Variants in UGT2B28 observed in about 807,000 individuals in gnomAD.
UGT2B28 encodes the protein UDP-glucuronosyltransferase 2B28.
In UGT2B28, 45 loss-of-function variants were observed where a neutral mutation model predicts 43.6. The ratio of observed to expected loss-of-function variants is 1.03; its 90% CI spans 0.81 to 1.32. UGT2B28 has a LOEUF of 1.32. Among genes scored for constraint, UGT2B28 ranks in the 40% most tolerant of loss-of-function variants. UGT2B28 has a pLI of 0.00. For synonymous variants in UGT2B28, 204 were observed against 208.1 expected, an observed-to-expected ratio of 0.98 and a Z score of 0.17; for missense variants, 649 against 625.5, an observed-to-expected ratio of 1.04 and a Z score of -0.40.
intron 3 of UGT2B28, among the ~76,000 whole-genome samples, chr4:69,287,388 T>C (rs1723810372): frequency 7.1e-6 from 1 of 140,984 alleles, no homozygotes; most frequent in Admixed American, 7.1e-5. Flanking sequence ...CAGTATCTAA[T>C]GAGTGAAGAA....
At position 69,283,758 on chromosome 4, in the gene UGT2B28, A is replaced by G. The variant is rs527683309; in HGVS notation, c.870+1096A>G. ...ACATGTGCAAGTCACTTGAGATATC[A>G]TTCCTCATTTAAGAGAACCAGATTA... On this transcript the variant is annotated intron_variant, in intron 2 of 5. Coordinates refer to ENST00000335568, the MANE Select transcript of UGT2B28 (RefSeq NM_053039.2). Among the ~76,000 whole-genome samples, 198 of 140,922 alleles carry G rather than the reference A, an allele frequency of 1.4e-3. 24 individuals carry two copies. The highest frequency in any genetic ancestry group is 4.3e-3 in the Admixed American group (61 of 14,082). 92.5% of individuals were successfully genotyped at this position (140,922 alleles called of 152,430 possible). A position where few individuals can be genotyped will look rare whatever the true frequency, so the allele number is the denominator to read the frequency against.
At chr4:69,282,446 C>T (rs1162581624) in intron 1 of UGT2B28, 68 bp from the exon 2 acceptor site, 1 of 1,466,196 alleles carries the variant, frequency 6.8e-7, no homozygotes, top group Non-Finnish European at 9.0e-7. Flanking sequence ...AATTCTAACC[C>T]CTTTCAGAAA....
Position 69,282,512 on chromosome 4 carries a change from A to G in UGT2B28, c.722-2A>G. 6.5e-7 allele frequency: 1 copy of G among 1,540,236 alleles called. No homozygotes were observed. Among genetic ancestry groups the G allele is most frequent in the Non-Finnish European group, 8.7e-7 (1 of 1,149,928 alleles). ...ACTTTTTCTTTTCTTTATTCCTGTC[A>G]GGAAGACCCACTACCTTATTTGAGA... On this transcript the variant is annotated splice_acceptor_variant, in intron 1 of 5. Coordinates refer to ENST00000335568, the MANE Select transcript of UGT2B28 (RefSeq NM_053039.2). LOFTEE classifies it high-confidence loss of function.
intron 5 of UGT2B28, among the ~76,000 whole-genome samples, 199 bp downstream of exon 5, chr4:69,291,010 T>G (rs1410600108): frequency 1.4e-5 from 2 of 140,198 alleles, no homozygotes; most frequent in Non-Finnish European, 3.0e-5. Flanking sequence ...AGTAACCAGT[T>G]AGTGAAGCAA....
At chr4:69,286,078 G>T (rs376233291) in intron 2 of UGT2B28, among the ~76,000 whole-genome samples, 4 of 141,464 alleles carry the variant, frequency 2.8e-5, no homozygotes, top group South Asian at 2.4e-4. Context: ...TCAAGACTGA[G>T]TCATAAAAAT....
Position 69,292,806 on chromosome 4 carries a change from T to C in UGT2B28, c.1311-1724T>C, listed in dbSNP as rs1261478182. ...TCATGAAGACTATATGATCCAGCCA[T>C]AGTGGAAATAACGGAGGTTAAAAAT... On this transcript the variant is annotated intron_variant, in intron 5 of 5. Coordinates refer to ENST00000335568, the MANE Select transcript of UGT2B28 (RefSeq NM_053039.2). 5.0e-5 allele frequency among the ~76,000 whole-genome samples: 7 copies of C among 140,058 alleles called. 1 individual carries two copies. Among genetic ancestry groups the C allele is most frequent in the Admixed American group, 7.2e-5 (1 of 13,978 alleles). 91.9% of individuals were successfully genotyped at this position (140,058 alleles called of 152,430 possible).
rs1326963856 is a variant in UGT2B28, at chr4:69,282,625, G to A, written c.833G>A (p.Gly278Glu). The change falls in exon 2 of 6, where the codon GGA becomes GAA. Residue 278 changes from glycine to glutamate, a missense_variant. Coordinates refer to ENST00000335568, the MANE Select transcript of UGT2B28 (RefSeq NM_053039.2). ...TTCTTACCAAACATTGATTTTGTTG[G>A]AGGACTCCACTGCAAACCTGCCAAA... ...HPFLPNIDFV[G>E]GLHCKPAKPL... The A allele has an allele frequency of 7.1e-6, 11 of 1,552,942 alleles. 1 individual carries two copies. The highest frequency in any genetic ancestry group is 9.5e-6 in the Non-Finnish European group (11 of 1,152,748).
At chr4:69,284,412 T>C (rs1393470348) in intron 2 of UGT2B28, among the ~76,000 whole-genome samples, 1 of 140,864 alleles carries the variant, frequency 7.1e-6, no homozygotes, top group African/African-American at 2.8e-5. Flanking sequence ...AGAACATTTT[T>C]GCTTACATAA....
Position 69,286,623 on chromosome 4 carries a change from T to TA in UGT2B28, c.871-123dup, listed in dbSNP as rs1384398766. 11 of 1,313,886 alleles carry TA rather than the reference T, an allele frequency of 8.4e-6. 1 individual carries two copies. The highest frequency in any genetic ancestry group is 1.1e-5 in the Non-Finnish European group (11 of 993,102). 81.4% of individuals were successfully genotyped at this position (1,313,886 alleles called of 1,614,324 possible). A position where few individuals can be genotyped will look rare whatever the true frequency, so the allele number is the denominator to read the frequency against. On this transcript the variant is annotated intron_variant, in intron 2 of 5. Coordinates refer to ENST00000335568, the MANE Select transcript of UGT2B28 (RefSeq NM_053039.2). ...AAAGAACCTGAGTGATTGAGTCAGTTAAAAAATATTATTTACTCCAATAAT... is the reference window on the plus strand; with the variant it reads ...AAAGAACCTGAGTGATTGAGTCAGTTAAAAAAATATTATTTACTCCAATAAT...
chr4:69,294,778 C>T lies in UGT2B28; in HGVS notation c.1559C>T (p.Ala520Val), dbSNP rs769519741. 2.6e-6 allele frequency: 4 copies of T among 1,557,222 alleles called. 2 individuals are homozygous for T. Among genetic ancestry groups the T allele is most frequent in the Non-Finnish European group, 3.5e-6 (4 of 1,154,322 alleles). The change falls in exon 6 of 6, where the codon GCT becomes GTT. Residue 520 changes from alanine to valine, a missense_variant. By Grantham distance (64) the Ala-to-Val change is moderately conservative. Coordinates refer to ENST00000335568, the MANE Select transcript of UGT2B28 (RefSeq NM_053039.2). ...TGTCTGTTTTGTTTCTGGAAGTTTG[C>T]TAGAAAAGGGAAGAAGGGAAAAAGA... Reference protein sequence around the residue: ...KFCLFCFWKFARKGKKGKRD With the variant: ...KFCLFCFWKFVRKGKKGKRD
In UGT2B28 at chr4:69,290,855, C is replaced by A. The variant is rs769187708; in HGVS notation, c.1310+44C>A. ...TTCACTAGGTGGTATTTGTAGATAGCTTCTCTTTTCAATAGTGAGCATGAG... is the reference window on the plus strand; with the variant it reads ...TTCACTAGGTGGTATTTGTAGATAGATTCTCTTTTCAATAGTGAGCATGAG... On this transcript the variant is annotated intron_variant, in intron 5 of 5. Transcript: ENST00000335568. 5.2e-6 allele frequency: 8 copies of A among 1,527,258 alleles called. 1 individual carries two copies. Among genetic ancestry groups the A allele is most frequent in the Non-Finnish European group, 7.0e-6 (8 of 1,135,134 alleles). 94.6% of individuals were successfully genotyped at this position (1,527,258 alleles called of 1,614,324 possible).
At chr4:69,283,557 T>A (rs1723684602) in intron 2 of UGT2B28, among the ~76,000 whole-genome samples, 1 of 140,270 alleles carries the variant, frequency 7.1e-6, no homozygotes, top group Non-Finnish European at 1.5e-5. Flanking sequence ...TTGATAGAAA[T>A]AATTATGCCT....
At chr4:69,289,808 A>G in intron 4 of UGT2B28, 56 bp downstream of exon 4, 1 of 1,414,818 alleles carries the variant, frequency 7.1e-7, no homozygotes, top group Admixed American at 2.2e-5. Flanking sequence ...TTAGAATGTT[A>G]ATAGTTTATC....
chr4:69,281,226 G>A lies in UGT2B28; in HGVS notation c.721+5G>A. On this transcript the variant is annotated splice_donor_5th_base_variant and intron_variant, in intron 1 of 5. Transcript: ENST00000335568. ...AGTTTTACAGTGAAGTTTTAGGTAA[G>A]AATTTGTTTAATCGGGAACTTGAAG... 6.7e-7 allele frequency: 1 copy of A among 1,489,014 alleles called. No homozygotes were observed. 92.2% of individuals were successfully genotyped at this position (1,489,014 alleles called of 1,614,324 possible). A position where few individuals can be genotyped will look rare whatever the true frequency, so the allele number is the denominator to read the frequency against.
chr4:69,285,012 T>A (rs539523645), intron 2 of UGT2B28, among the ~76,000 whole-genome samples: 1 of 140,326 alleles, frequency 7.1e-6, no homozygotes, highest in Non-Finnish European at 1.5e-5. Flanking sequence ...CATGAAAGAA[T>A]GATTAAAATT....
In UGT2B28 at chr4:69,280,588, A is replaced by G. The variant is rs758645748; in HGVS notation, c.88A>G (p.Thr30Ala). The change falls in exon 1 of 6, where the codon ACC becomes GCC. Residue 30 changes from threonine (T) to alanine (A), a missense_variant. By Grantham distance (58) the Thr-to-Ala change is moderately conservative. Coordinates refer to ENST00000335568, the MANE Select transcript of UGT2B28 (RefSeq NM_053039.2). ...GAGTTGTGGAAAGGTGCTGGTGTGGACCGGTGAATACAGCCATTGGATGAA... is the reference window on the plus strand; with the variant it reads ...GAGTTGTGGAAAGGTGCTGGTGTGGGCCGGTGAATACAGCCATTGGATGAA... ...SGSCGKVLVW[T>A]GEYSHWMNMK... is the part of the protein sequence containing the mutation. 23 of 1,560,518 alleles carry G rather than the reference A, an allele frequency of 1.5e-5. 6 individuals are homozygous for G. The highest frequency in any genetic ancestry group is 1.7e-4 in the Middle Eastern group (1 of 5,854).
Position 69,285,300 on chromosome 4 carries a change from C to G in UGT2B28, c.871-1452C>G, listed in dbSNP as rs533182726. ...ATTTTAGAAAAATTATTTTTTAAAA[C>G]GCTTTTCATACTTTTATACAATTTC... On this transcript the variant is annotated intron_variant, in intron 2 of 5. Coordinates refer to ENST00000335568, the MANE Select transcript of UGT2B28 (RefSeq NM_053039.2). 2.1e-5 allele frequency among the ~76,000 whole-genome samples: 3 copies of G among 139,728 alleles called. 1 individual carries two copies. The highest frequency in any genetic ancestry group is 8.4e-5 in the African/African-American group (3 of 35,714). The allele number at this position is 139,728 out of a possible 152,430, so 91.7% of individuals were successfully genotyped here.
At chr4:69,283,818 C>T (rs570444434) in intron 2 of UGT2B28, among the ~76,000 whole-genome samples, 14 of 140,450 alleles carry the variant, frequency 1.0e-4, no homozygotes, top group Non-Finnish European at 1.8e-4. Flanking sequence ...CTTGCAAAGT[C>T]ATATATGACA....
At position 69,294,674 on chromosome 4, in the gene UGT2B28, G is replaced by T. The variant is rs1724051276; in HGVS notation, c.1455G>T (p.Trp485Cys). 1.9e-6 allele frequency: 3 copies of T among 1,560,194 alleles called. 1 individual carries two copies. The change falls in exon 6 of 6, where the codon TGG becomes TGT. Residue 485 changes from tryptophan to cysteine, a missense_variant. Physicochemically the swap from Trp to Cys is radical, Grantham distance 215. Transcript: ENST00000335568. Reference protein sequence around the residue: ...HLRVAARDLTWFQYHSLDVIG... With the variant: ...HLRVAARDLTCFQYHSLDVIG... ...GAGTTGCAGCCCGTGACCTCACCTG[G>T]TTCCAGTACCACTCTTTGGATGTGA...
Sources: gnomAD v4.1 joint callset for allele counts (sites outside exome capture counted in the v4.1 genomes callset) on GRCh38, gnomAD v4.1.1 for gene constraint, MANE v1.5 for transcripts, NCBI Gene and HGNC (gene_info 2026-07-23, HGNC 2026-07-21) for gene names.